The following ARHGAP24 variants were observed in gnomAD, a reference collection of about 807,000 sequenced individuals.
ARHGAP24 encodes the protein Rho GTPase activating protein 24, also known as rho GTPase-activating protein 24.
ARHGAP24 carries 50 observed loss-of-function variants against 76.4 expected under a neutral mutation model. That is an observed-to-expected ratio of 0.65 (90% CI 0.52 to 0.83). The LOEUF (loss-of-function observed/expected upper bound fraction) is 0.83. ARHGAP24 is among the 40% of genes least tolerant of loss of function. The pLI is 0.00. For synonymous variants in ARHGAP24, 345 were observed against 323.3 expected (o/e 1.07, Z -0.72); for missense variants, 930 against 914.2 (o/e 1.02, Z -0.22).
At chr4:85,598,875 G>T (rs912057716) in intron 2 of ARHGAP24, among the ~76,000 whole-genome samples, 2 of 150,266 alleles carry the variant, frequency 1.3e-5, no homozygotes, top group African/African-American at 4.9e-5. Context: ...AAATTTCCCA[G>T]GAGCCTAATT....
chr4:85,732,827 G>A (rs1725456984), intron 3 of ARHGAP24, among the ~76,000 whole-genome samples: 1 of 150,036 alleles, frequency 6.7e-6, no homozygotes, highest in South Asian at 2.1e-4. Flanking sequence ...CTGAGTAGCT[G>A]GGATTACAGG....
chr4:85,613,963 T>C (rs1374712703), intron 2 of ARHGAP24, among the ~76,000 whole-genome samples: 2 of 152,188 alleles, frequency 1.3e-5, no homozygotes, highest in African/African-American at 4.8e-5. Flanking sequence ...TGAGGAGATA[T>C]CCATTTGGAG....
intron 3 of ARHGAP24, among the ~76,000 whole-genome samples, chr4:85,819,047 C>T (rs146257092): frequency 6.6e-6 from 1 of 152,160 alleles, no homozygotes. Context: ...AGAGCCATAG[C>T]TTAGCCAGTT....
chr4:85,775,482 T>C (rs928468410), intron 3 of ARHGAP24, among the ~76,000 whole-genome samples: 4 of 152,080 alleles, frequency 2.6e-5, no homozygotes, highest in Admixed American at 2.6e-4. Context: ...GCAGGCAAGA[T>C]AGAATGAGAA....
rs541496669 is a variant in ARHGAP24, at chr4:85,793,286, C to T, written c.268+71314C>T. ...AGTGATAATTCAAACGGCTCATTTA[C>T]GACAAGCTTTTGTGATAAAGAATCC... On this transcript the variant is annotated intron_variant, in intron 3 of 9. Coordinates refer to ENST00000395184, the MANE Select transcript of ARHGAP24 (RefSeq NM_001025616.3). 3.7e-4 allele frequency among the ~76,000 whole-genome samples: 57 copies of T among 152,240 alleles called. 1 individual carries two copies. Among genetic ancestry groups the T allele is most frequent in the African/African-American group, 1.2e-3 (50 of 41,544 alleles).
intron 1 of ARHGAP24, among the ~76,000 whole-genome samples, chr4:85,563,243 G>A (rs1039576340): frequency 5.3e-5 from 8 of 152,156 alleles, no homozygotes; most frequent in Non-Finnish European, 8.8e-5. Flanking sequence ...GGGCACAATG[G>A]CAGGTATCTT....
intron 8 of ARHGAP24, among the ~76,000 whole-genome samples, chr4:85,987,760 C>A (rs1003973756): frequency 2.0e-5 from 3 of 151,800 alleles, no homozygotes; most frequent in Non-Finnish European, 4.4e-5. Flanking sequence ...ATAAGAGAAA[C>A]TATCATGAAG....
rs115762365 is a variant in ARHGAP24, at chr4:85,881,826, G to A, written c.269-41822G>A. 8.1e-3 allele frequency among the ~76,000 whole-genome samples: 1,239 copies of A among 152,256 alleles called. 18 individuals carry two copies. The highest frequency in any genetic ancestry group is 0.027 in the African/African-American group (1,117 of 41,558). Reference sequence around the variant, plus strand: ...GCTCTAGGGGATTTTACATTTTAGTGAAGAGAACAGAAAATTAATTATTGT... The same window carrying A: ...GCTCTAGGGGATTTTACATTTTAGTAAAGAGAACAGAAAATTAATTATTGT... On this transcript the variant is annotated intron_variant, in intron 3 of 9. Transcript: ENST00000395184.
At chr4:85,902,890 C>T (rs1734581279) in intron 3 of ARHGAP24, among the ~76,000 whole-genome samples, 1 of 152,226 alleles carries the variant, frequency 6.6e-6, no homozygotes, top group African/African-American at 2.4e-5. Context: ...TGGCGTGAGC[C>T]ACTGCGCCCG....
intron 2 of ARHGAP24, 104 bp downstream of exon 2, chr4:85,570,825 C>T: frequency 7.9e-7 from 1 of 1,265,462 alleles, no homozygotes; most frequent in African/African-American, 1.5e-5. Context: ...GCTCCCTGGT[C>T]TCCTTCAGTT....
chr4:85,969,748 A>T (rs1398960692), intron 5 of ARHGAP24, among the ~76,000 whole-genome samples: 1 of 152,174 alleles, frequency 6.6e-6, no homozygotes, highest in African/African-American at 2.4e-5. Flanking sequence ...CAGAAAACAA[A>T]CAAAAATACT....
At chr4:85,864,162 C>T (rs111818340) in intron 3 of ARHGAP24, among the ~76,000 whole-genome samples, 4 of 151,988 alleles carry the variant, frequency 2.6e-5, no homozygotes, top group East Asian at 1.9e-4. Context: ...TGGTTCCTGC[C>T]GGCATTCACC....
At chr4:85,875,586 A>T (rs556257686) in intron 3 of ARHGAP24, among the ~76,000 whole-genome samples, 41 of 100,822 alleles carry the variant, frequency 4.1e-4, no homozygotes, top group African/African-American at 1.6e-3. Flanking sequence ...TATAATATAT[A>T]TTTTATATTA....
intron 3 of ARHGAP24, among the ~76,000 whole-genome samples, chr4:85,809,480 G>C (rs933289176): frequency 1.3e-5 from 2 of 152,014 alleles, no homozygotes; most frequent in African/African-American, 4.8e-5. Flanking sequence ...TCCATTCAAG[G>C]CATAGACACT....
At chr4:85,836,515 A>G (rs541495871) in intron 3 of ARHGAP24, among the ~76,000 whole-genome samples, 5 of 152,290 alleles carry the variant, frequency 3.3e-5, no homozygotes, top group African/African-American at 9.6e-5. Flanking sequence ...CCCTCTGTGC[A>G]TATCTATCAC....
At chr4:85,604,639 C>A (rs575572189) in intron 2 of ARHGAP24, among the ~76,000 whole-genome samples, 2 of 152,310 alleles carry the variant, frequency 1.3e-5, no homozygotes, top group South Asian at 2.1e-4. Flanking sequence ...GGCTGCAGTG[C>A]AGTGTGGCAT....
intron 2 of ARHGAP24, among the ~76,000 whole-genome samples, chr4:85,622,667 G>A (rs1232531916): frequency 2.0e-5 from 3 of 152,096 alleles, no homozygotes; most frequent in African/African-American, 4.8e-5. Flanking sequence ...CTGAGGAATC[G>A]CCACACTGTC....
At chr4:85,617,974 G>A (rs1248001130) in intron 2 of ARHGAP24, among the ~76,000 whole-genome samples, 3 of 152,122 alleles carry the variant, frequency 2.0e-5, no homozygotes, top group African/African-American at 2.4e-5. Context: ...ACCTCCTCAC[G>A]TAGACTTTGT....
At chr4:85,693,533 G>T (rs889364331) in intron 2 of ARHGAP24, among the ~76,000 whole-genome samples, 3 of 152,172 alleles carry the variant, frequency 2.0e-5, no homozygotes, top group African/African-American at 7.2e-5. Flanking sequence ...GGGGCACAGG[G>T]ACCTGCTGGT....
Sources: allele counts gnomAD v4.1 joint callset (sites outside exome capture counted in the v4.1 genomes callset), GRCh38; gene constraint gnomAD v4.1.1; transcripts MANE v1.5; gene names NCBI Gene and HGNC (gene_info 2026-07-23, HGNC 2026-07-21).